Variants in PLGLB2 observed in about 807,000 individuals in gnomAD.
PLGLB2 encodes the protein plasminogen like B2, also known as plasminogen-like protein B.
chr2:87,750,774 A>G (rs1684633730), intron 1 of PLGLB2, among the ~76,000 whole-genome samples: 1 of 150,694 alleles, frequency 6.6e-6, no homozygotes, highest in Non-Finnish European at 1.5e-5. Flanking sequence ...CATACAAACC[A>G]GTGCGCTCTG....
chr2:87,750,517 G>T (rs1270020692), intron 1 of PLGLB2, among the ~76,000 whole-genome samples: 22 of 152,016 alleles, frequency 1.4e-4, no homozygotes, highest in South Asian at 4.2e-4. Flanking sequence ...CTTTTCAGTG[G>T]ATTAGGTTTA....
At chr2:87,753,458 T>C in intron 2 of PLGLB2, 70 bp from the exon 3 acceptor site, 1 of 407,026 alleles carries the variant, frequency 2.5e-6, no homozygotes, top group Non-Finnish European at 4.6e-6. Context: ...GCATTTCTCA[T>C]TTATTAATAA....
intron 3 of PLGLB2, chr2:87,756,258 C>T (rs950775217): frequency 1.6e-5 from 1 of 61,410 alleles, no homozygotes; most frequent in Non-Finnish European, 3.3e-5. Flanking sequence ...TGGTTGAGAA[C>T]TTTTACTGCA....
chr2:87,750,215 G>T (rs1430808354), intron 1 of PLGLB2, among the ~76,000 whole-genome samples: 49 of 152,356 alleles, frequency 3.2e-4, no homozygotes, highest in East Asian at 5.8e-4. Flanking sequence ...ATGACACAGA[G>T]AACTTAATTG....
rs1285074714 is a variant in PLGLB2, at chr2:87,751,544, C to T, written c.50-703C>T. On this transcript the variant is annotated intron_variant, in intron 1 of 3. Coordinates refer to ENST00000359481, the MANE Select transcript of PLGLB2 (RefSeq NM_002665.4). ...GGACCATTCAGAGGATGCTTCCCAC[C>T]AGTTCAAGTGACAGTGTCAGAACCA... 7 of 150,798 alleles carry T rather than the reference C, an allele frequency of 4.6e-5. No individual in the cohort carries two copies. In the South Asian group the frequency reaches 1.3e-3, roughly 27 times the overall value. 9.3% of individuals were successfully genotyped at this position (150,798 alleles called of 1,614,324 possible). A position where few individuals can be genotyped will look rare whatever the true frequency, so the allele number is the denominator to read the frequency against.
At chr2:87,750,442 TA>T (rs1395520759) in intron 1 of PLGLB2, among the ~76,000 whole-genome samples, 1 of 151,852 alleles carries the variant, frequency 6.6e-6, no homozygotes, top group East Asian at 1.9e-4. Flanking sequence ...AAGTGCGGGG[TA>T]AAGACATGGA....
chr2:87,750,710 T>C lies in PLGLB2; in HGVS notation c.50-1537T>C, dbSNP rs561354153. 1.7e-4 allele frequency among the ~76,000 whole-genome samples: 26 copies of C among 151,020 alleles called. No individual in the cohort carries two copies. In the South Asian group the frequency reaches 5.6e-3, roughly 32 times the overall value. ...TACCCTCAGGAGGTCAGGACGGGCC[T>C]TTCTGAGAATGAGAATCTGTTCATT... On this transcript the variant is annotated intron_variant, in intron 1 of 3. Coordinates refer to ENST00000359481, the MANE Select transcript of PLGLB2 (RefSeq NM_002665.4).
At chr2:87,756,279 A>C (rs1195119353) in intron 3 of PLGLB2, 3 of 64,046 alleles carry the variant, frequency 4.7e-5, no homozygotes, top group African/African-American at 1.7e-4. Flanking sequence ...AACCATTTAC[A>C]GTAGACCACA....
intron 1 of PLGLB2, among the ~76,000 whole-genome samples, chr2:87,748,922 C>G (rs1470305129): frequency 7.9e-6 from 1 of 127,172 alleles, no homozygotes; most frequent in East Asian, 2.2e-4. Context: ...AGCATATTCA[C>G]CCTCATTTTA....
At chr2:87,750,165 G>C (rs1267213287) in intron 1 of PLGLB2, among the ~76,000 whole-genome samples, 4 of 152,286 alleles carry the variant, frequency 2.6e-5, no homozygotes, top group Non-Finnish European at 5.9e-5. Flanking sequence ...AGGAGCTGGG[G>C]AGGGGATCTC....
chr2:87,758,499 GCTCT>G lies in PLGLB2; in HGVS notation c.*1684_*1687del, dbSNP rs1271921421. Among the ~76,000 whole-genome samples, 4 of 102,212 alleles carry G rather than the reference GCTCT, an allele frequency of 3.9e-5. No individual in the cohort carries two copies. Among genetic ancestry groups the G allele is most frequent in the African/African-American group, 6.9e-5 (2 of 29,084 alleles). 67.1% of individuals were successfully genotyped at this position (102,212 alleles called of 152,430 possible). On this transcript the variant is annotated 3_prime_UTR_variant, in exon 4 of 4. Transcript: ENST00000359481. ...CTGACTGTGCAATAAAAATATTTTG[GCTCT>G]CTGTCTAAGACTTGGCTGTCACAGT...
chr2:87,755,037 C>CA (rs1453907471), intron 3 of PLGLB2, among the ~76,000 whole-genome samples: 1 of 145,396 alleles, frequency 6.9e-6, no homozygotes, highest in Non-Finnish European at 1.5e-5. Flanking sequence ...TTACTTCTGC[C>CA]ACTTGCCACC....
At chr2:87,753,703 CTATCTT>C in intron 3 of PLGLB2, 69 bp downstream of exon 3, 1 of 741,566 alleles carries the variant, frequency 1.3e-6, no homozygotes. Context: ...TTTCTCTATT[CTATCTT>C]TAATTTATGA....
rs1174150967 is a variant in PLGLB2, at chr2:87,757,951, T to TG, written c.*1139dup. Among the ~76,000 whole-genome samples, 2 of 54,648 alleles carry TG rather than the reference T, an allele frequency of 3.7e-5. No individual in the cohort carries two copies. The highest frequency in any genetic ancestry group is 7.4e-5 in the Non-Finnish European group (2 of 26,946). The allele number at this position is 54,648 out of a possible 152,430, so 35.9% of individuals were successfully genotyped here. A position where few individuals can be genotyped will look rare whatever the true frequency, so the allele number is the denominator to read the frequency against. ...CATCTTCATGAGGGAACTGAGGTCT[T>TG]GGGGGGTGGGGGTTACCCAAATAGG... On this transcript the variant is annotated 3_prime_UTR_variant, in exon 4 of 4. Transcript: ENST00000359481.
At chr2:87,751,481 C>T (rs1283358561) in intron 1 of PLGLB2, 18 of 151,236 alleles carry the variant, frequency 1.2e-4, no homozygotes, top group Non-Finnish European at 1.9e-4. Flanking sequence ...TTTATTTCCA[C>T]CATCATCTAT....
Position 87,750,888 on chromosome 2 carries a change from C to A in PLGLB2, c.50-1359C>A, listed in dbSNP as rs569547853. On this transcript the variant is annotated intron_variant, in intron 1 of 3. Coordinates refer to ENST00000359481, the MANE Select transcript of PLGLB2 (RefSeq NM_002665.4). ...CCGCTGCCGCCTCCACTGCTCTCCT[C>A]GTCACTCTATAACCCACTCCCTCTG... 6.0e-5 allele frequency among the ~76,000 whole-genome samples: 8 copies of A among 132,286 alleles called. No homozygotes were observed. The South Asian group carries it at 1.9e-3, about 32-fold the overall frequency. 86.8% of individuals were successfully genotyped at this position (132,286 alleles called of 152,430 possible). A position where few individuals can be genotyped will look rare whatever the true frequency, so the allele number is the denominator to read the frequency against.
Position 87,753,525 on chromosome 2 carries a change from C to T in PLGLB2, c.186-3C>T. ...TTATTGGATTTCCTGCTTCGTTCTG[C>T]AGGGCATTCCAATATCACAGTAAAG... On this transcript the variant is annotated splice_polypyrimidine_tract_variant and splice_region_variant and intron_variant, in intron 2 of 3. Coordinates refer to ENST00000359481, the MANE Select transcript of PLGLB2 (RefSeq NM_002665.4). 5.7e-6 allele frequency: 3 copies of T among 528,588 alleles called. No homozygotes were observed. The highest frequency in any genetic ancestry group is 1.0e-5 in the Non-Finnish European group (3 of 291,220). The allele number at this position is 528,588 out of a possible 1,614,324, so 32.7% of individuals were successfully genotyped here. A position where few individuals can be genotyped will look rare whatever the true frequency, so the allele number is the denominator to read the frequency against.
chr2:87,754,681 A>G (rs1325231260), intron 3 of PLGLB2, among the ~76,000 whole-genome samples: 1 of 148,866 alleles, frequency 6.7e-6, no homozygotes, highest in Non-Finnish European at 1.5e-5. Flanking sequence ...TGGTAAAGTT[A>G]TTAGTTCTTA....
Position 87,757,326 on chromosome 2 carries a change from CAGAA to C in PLGLB2, c.*513_*516del, listed in dbSNP as rs1465060440. ...AAACCAGAATATGTGAATAAGCAGA[CAGAA>C]AGAATCTTTTTGATGTCGATGTTCA... On this transcript the variant is annotated 3_prime_UTR_variant, in exon 4 of 4. Coordinates refer to ENST00000359481, the MANE Select transcript of PLGLB2 (RefSeq NM_002665.4). 1.4e-3 allele frequency: 47 copies of C among 34,630 alleles called. No individual in the cohort carries two copies. Among genetic ancestry groups the C allele is most frequent in the Admixed American group, 2.1e-3 (6 of 2,884 alleles). 2.1% of individuals were successfully genotyped at this position (34,630 alleles called of 1,614,324 possible).
Sources: gnomAD v4.1 joint callset for allele counts (sites outside exome capture counted in the v4.1 genomes callset) on GRCh38, gnomAD v4.1.1 for gene constraint, MANE v1.5 for transcripts, NCBI Gene and HGNC (gene_info 2026-07-23, HGNC 2026-07-21) for gene names.